Variants in MEIS2 observed in about 807,000 individuals in gnomAD.
MEIS2 encodes the protein homeobox protein Meis2.
In MEIS2, 9 loss-of-function variants were observed where a neutral mutation model predicts 58.6. The ratio of observed to expected loss-of-function variants is 0.15; its 90% CI spans 0.09 to 0.27. The LOEUF is 0.27. MEIS2 is among the 10% of genes least tolerant of loss of function. MEIS2 has a pLI of 1.00. For synonymous variants in MEIS2, 221 were observed against 228.4 expected, an observed-to-expected ratio of 0.97 and a Z score of 0.29; for missense variants, 427 against 635.0, an observed-to-expected ratio of 0.67 and a Z score of 3.52.
At chr15:36,905,103 G>A (rs555714123) in intron 9 of MEIS2, among the ~76,000 whole-genome samples, 1 of 152,168 alleles carries the variant, frequency 6.6e-6, no homozygotes, top group African/African-American at 2.4e-5. Flanking sequence ...CTTTGCCAGA[G>A]ATGAATTCAT....
chr15:36,921,147 GAT>G (rs2057492659), intron 9 of MEIS2, among the ~76,000 whole-genome samples: 1 of 152,128 alleles, frequency 6.6e-6, no homozygotes, highest in South Asian at 2.1e-4. Context: ...AACCACCTTG[GAT>G]AAATTTTTAA....
intron 1 of MEIS2, chr15:37,098,664 G>T: frequency 5.1e-6 from 1 of 194,490 alleles, no homozygotes; most frequent in South Asian, 1.7e-4. Context: ...CAGAACCGTA[G>T]CGAGCCAACG....
rs531123353 is a variant in MEIS2, at chr15:36,890,340, T to C, written c.*1833A>G. 2.0e-5 allele frequency: 3 copies of C among 152,176 alleles called. No individual in the cohort carries two copies. Among genetic ancestry groups the C allele is most frequent in the Non-Finnish European group, 4.4e-5 (3 of 68,012 alleles). 9.4% of individuals were successfully genotyped at this position (152,176 alleles called of 1,614,324 possible). On this transcript the variant is annotated 3_prime_UTR_variant, in exon 12 of 12. Transcript: ENST00000561208. ...CTAATGGTATAGATTTCCAGGAATG[T>C]TGCATAAAATTTTGAAAATGGCATT...
chr15:36,891,024 CA>C lies in MEIS2; in HGVS notation c.*1148del, dbSNP rs1277053358. On this transcript the variant is annotated 3_prime_UTR_variant, in exon 12 of 12. Coordinates refer to ENST00000561208, the MANE Select transcript of MEIS2 (RefSeq NM_170675.5). ...AACCATTAAAAACGCAAAAGCCTAA[CA>C]AAAAATCAAAAATGAAATATTTATT... The C allele has an allele frequency of 6.6e-6, 1 of 151,858 alleles. No homozygotes were observed. Among genetic ancestry groups the C allele is most frequent in the Non-Finnish European group, 1.5e-5 (1 of 67,844 alleles). 9.4% of individuals were successfully genotyped at this position (151,858 alleles called of 1,614,324 possible). A position where few individuals can be genotyped will look rare whatever the true frequency, so the allele number is the denominator to read the frequency against.
In MEIS2 at chr15:36,889,498, T is replaced by C. The variant is rs1490845599; in HGVS notation, c.*2675A>G. 6.6e-6 allele frequency: 1 copy of C among 152,190 alleles called. No homozygotes were observed. Among genetic ancestry groups the C allele is most frequent in the African/African-American group, 2.4e-5 (1 of 41,434 alleles). The allele number at this position is 152,190 out of a possible 1,614,324, so 9.4% of individuals were successfully genotyped here. A position where few individuals can be genotyped will look rare whatever the true frequency, so the allele number is the denominator to read the frequency against. On this transcript the variant is annotated 3_prime_UTR_variant, in exon 12 of 12. Transcript: ENST00000561208. ...AAACAAATATTACAATTATCATTCA[T>C]CTCCAAATATTTAAGAAGGTTAAAG... is the stretch of plus-strand genomic sequence containing the variant.
intron 8 of MEIS2, among the ~76,000 whole-genome samples, chr15:37,004,080 T>C (rs555277089): frequency 2.0e-5 from 3 of 152,358 alleles, no homozygotes; most frequent in African/African-American, 7.2e-5. Context: ...TTAACTGACA[T>C]GAGAAATCTC....
At chr15:36,937,646 C>A (rs776316020) in intron 9 of MEIS2, among the ~76,000 whole-genome samples, 11 of 152,162 alleles carry the variant, frequency 7.2e-5, no homozygotes, top group Admixed American at 5.9e-4. Context: ...TAGAGTGGAA[C>A]TCACCCACAG....
intron 8 of MEIS2, among the ~76,000 whole-genome samples, chr15:37,030,698 C>A (rs2061882761): frequency 6.6e-6 from 1 of 151,828 alleles, no homozygotes; most frequent in Admixed American, 6.6e-5. Flanking sequence ...TGTCACCCAG[C>A]CTGGAGTACA....
At chr15:37,095,520 G>A in intron 4 of MEIS2, 44 bp downstream of exon 4, 2 of 1,613,922 alleles carry the variant, frequency 1.2e-6, no homozygotes, top group South Asian at 2.2e-5. Context: ...CTGGGCATGG[G>A]AGAGGGCAAA....
intron 8 of MEIS2, among the ~76,000 whole-genome samples, chr15:37,007,765 G>A (rs190704296): frequency 1.3e-5 from 2 of 152,202 alleles, no homozygotes; most frequent in African/African-American, 2.4e-5. Flanking sequence ...TTTTAAAAAC[G>A]CCATCTAAGA....
At chr15:37,024,082 G>A (rs1196166416) in intron 8 of MEIS2, among the ~76,000 whole-genome samples, 1 of 151,864 alleles carries the variant, frequency 6.6e-6, no homozygotes, top group African/African-American at 2.4e-5. Flanking sequence ...ATTTTTAGTA[G>A]AGATGGAGTT....
intron 9 of MEIS2, among the ~76,000 whole-genome samples, chr15:36,944,563 T>A (rs2058492195): frequency 6.6e-6 from 1 of 152,082 alleles, no homozygotes; most frequent in South Asian, 2.1e-4. Flanking sequence ...GCATAGGAAG[T>A]GATCTGAAAG....
intron 8 of MEIS2, among the ~76,000 whole-genome samples, chr15:36,996,077 AT>A (rs1666492165): frequency 6.8e-6 from 1 of 147,440 alleles, no homozygotes; most frequent in Non-Finnish European, 1.5e-5. Context: ...ATATATATAT[AT>A]ATTTTTAAAT....
At position 36,995,980 on chromosome 15, in the gene MEIS2, T is replaced by G. The variant is rs1311598259; in HGVS notation, c.900+40834A>C. Reference sequence around the variant, plus strand: ...AGATATATATATATATATATATATATATATATATATATATATATATATGTA... The same window carrying G: ...AGATATATATATATATATATATATAGATATATATATATATATATATATGTA... On this transcript the variant is annotated intron_variant, in intron 8 of 11. Coordinates refer to ENST00000561208, the MANE Select transcript of MEIS2 (RefSeq NM_170675.5). Among the ~76,000 whole-genome samples, 12 of 62,256 alleles carry G rather than the reference T, an allele frequency of 1.9e-4. 1 individual carries two copies. The highest frequency in any genetic ancestry group is 4.9e-4 in the African/African-American group (11 of 22,366). 40.8% of individuals were successfully genotyped at this position (62,256 alleles called of 152,430 possible). A position where few individuals can be genotyped will look rare whatever the true frequency, so the allele number is the denominator to read the frequency against.
chr15:36,896,477 C>T (rs2141224625), intron 10 of MEIS2, 151 bp downstream of exon 10: 1 of 530,470 alleles, frequency 1.9e-6, no homozygotes, highest in Non-Finnish European at 3.3e-6. Context: ...ACTGAAGTTG[C>T]TTCCTTGAGT....
At chr15:37,057,649 A>AAAAC (rs1555461975) in intron 7 of MEIS2, among the ~76,000 whole-genome samples, 1 of 151,748 alleles carries the variant, frequency 6.6e-6, no homozygotes, top group Non-Finnish European at 1.5e-5. Context: ...TGGAACTGAA[A>AAAAC]AAATAAATAA....
chr15:36,919,956 A>G (rs1469179625), intron 9 of MEIS2, among the ~76,000 whole-genome samples: 1 of 152,164 alleles, frequency 6.6e-6, no homozygotes, highest in Non-Finnish European at 1.5e-5. Flanking sequence ...TTAGGCACGT[A>G]AGAACAACAT....
chr15:36,956,307 A>C (rs2058972690), intron 8 of MEIS2, among the ~76,000 whole-genome samples: 1 of 152,108 alleles, frequency 6.6e-6, no homozygotes, highest in Admixed American at 6.6e-5. Flanking sequence ...ACATCAGGTC[A>C]TATAAATTGG....
chr15:37,026,275 G>C (rs2061702674), intron 8 of MEIS2, among the ~76,000 whole-genome samples: 1 of 152,070 alleles, frequency 6.6e-6, no homozygotes, highest in Non-Finnish European at 1.5e-5. Flanking sequence ...GACTAGTGTA[G>C]CACCACCCCG....
Sources: gnomAD v4.1 joint callset for allele counts (sites outside exome capture counted in the v4.1 genomes callset) on GRCh38, gnomAD v4.1.1 for gene constraint, MANE v1.5 for transcripts, NCBI Gene and HGNC (gene_info 2026-07-23, HGNC 2026-07-21) for gene names.